MAML3: variants seen among roughly 807,000 people sequenced by gnomAD.
MAML3 encodes the protein mastermind-like protein 3.
A neutral mutation model predicts 101.9 loss-of-function variants in MAML3; 27 were observed. The ratio of observed to expected loss-of-function variants is 0.27; its 90% CI spans 0.20 to 0.37. The LOEUF (loss-of-function observed/expected upper bound fraction) is 0.37. Ranked by LOEUF, MAML3 falls within the 10% of genes least tolerant of loss-of-function variation. The pLI, the probability that MAML3 is intolerant of heterozygous loss-of-function variation, is 1.00. For synonymous variants in MAML3, 501 were observed against 555.9 expected (o/e 0.90, Z 1.39); for missense variants, 1,316 against 1,444.9 (o/e 0.91, Z 1.45).
intron 2 of MAML3, among the ~76,000 whole-genome samples, chr4:139,848,987 C>G (rs1731498317): frequency 6.6e-6 from 1 of 152,168 alleles, no homozygotes; most frequent in African/African-American, 2.4e-5. Context: ...GCCCCTACAT[C>G]TTTTTGTTTC....
At chr4:139,774,046 G>A (rs1241820341) in intron 2 of MAML3, among the ~76,000 whole-genome samples, 2 of 152,194 alleles carry the variant, frequency 1.3e-5, no homozygotes, top group East Asian at 3.8e-4. Flanking sequence ...GCAGCAGGCC[G>A]TGTGAGCTTC....
intron 1 of MAML3, among the ~76,000 whole-genome samples, chr4:139,983,916 A>G (rs1734488263): frequency 6.6e-6 from 1 of 152,194 alleles, no homozygotes; most frequent in Non-Finnish European, 1.5e-5. Context: ...GCAGGCACAC[A>G]GTAGTTGGGT....
chr4:139,909,253 A>C (rs1387175935), intron 1 of MAML3, among the ~76,000 whole-genome samples: 2 of 152,230 alleles, frequency 1.3e-5, no homozygotes, highest in East Asian at 3.9e-4. Context: ...TATGTCTATA[A>C]AACAGTTGGC....
intron 1 of MAML3, among the ~76,000 whole-genome samples, chr4:139,953,879 C>T (rs886196733): frequency 2.6e-5 from 4 of 152,146 alleles, no homozygotes; most frequent in Admixed American, 1.3e-4. Context: ...ATTCCAACGG[C>T]GACAGGAGGC....
At chr4:140,095,611 C>G (rs1351443797) in intron 1 of MAML3, among the ~76,000 whole-genome samples, 1 of 152,154 alleles carries the variant, frequency 6.6e-6, no homozygotes, top group Non-Finnish European at 1.5e-5. Context: ...TTCTTGCCCC[C>G]TCTTCTTTCC....
At chr4:140,064,042 C>A (rs1470730861) in intron 1 of MAML3, among the ~76,000 whole-genome samples, 1 of 152,166 alleles carries the variant, frequency 6.6e-6, no homozygotes, top group Admixed American at 6.5e-5. Context: ...CTTAGAACTC[C>A]TGGGAAAACT....
At chr4:139,938,575 G>A (rs1733548000) in intron 1 of MAML3, among the ~76,000 whole-genome samples, 1 of 152,172 alleles carries the variant, frequency 6.6e-6, no homozygotes, top group Non-Finnish European at 1.5e-5. Flanking sequence ...ATAGGCTTGT[G>A]GGAGTAGAGT....
intron 1 of MAML3, among the ~76,000 whole-genome samples, chr4:140,035,656 T>A (rs899252284): frequency 2.0e-4 from 30 of 151,394 alleles, no homozygotes; most frequent in African/African-American, 7.3e-4. Flanking sequence ...TAGCCGGGCG[T>A]GGTGGCACGC....
chr4:139,980,981 G>C (rs188747149), intron 1 of MAML3, among the ~76,000 whole-genome samples: 7 of 152,290 alleles, frequency 4.6e-5, no homozygotes, highest in Non-Finnish European at 8.8e-5. Flanking sequence ...GTTGGGAACA[G>C]AAAGAATGCC....
intron 2 of MAML3, among the ~76,000 whole-genome samples, chr4:139,780,948 G>A (rs753128763): frequency 2.0e-5 from 3 of 151,934 alleles, no homozygotes; most frequent in African/African-American, 4.8e-5. Flanking sequence ...TAGTTCTGAC[G>A]GCAAAGAATT....
intron 1 of MAML3, among the ~76,000 whole-genome samples, chr4:139,995,966 C>G (rs1296216339): frequency 6.6e-6 from 1 of 151,854 alleles, no homozygotes. Context: ...AGCTGTATCC[C>G]ATAATTTTTA....
intron 1 of MAML3, among the ~76,000 whole-genome samples, chr4:139,977,888 AAAAAAC>A (rs1443188283): frequency 6.7e-5 from 10 of 149,734 alleles, no homozygotes; most frequent in African/African-American, 2.5e-4. Flanking sequence ...AACAAAAAAC[AAAAAAC>A]AAAAAAAAAA....
chr4:139,993,060 AGACATACAG>A (rs1327552980), intron 1 of MAML3, among the ~76,000 whole-genome samples: 3 of 152,224 alleles, frequency 2.0e-5, no homozygotes, highest in Admixed American at 1.3e-4. Flanking sequence ...TTTAAAATAT[AGACATACAG>A]GGCCAGGCAC....
chr4:139,989,228 G>A (rs184767711), intron 1 of MAML3, among the ~76,000 whole-genome samples: 190 of 152,158 alleles, frequency 1.2e-3, no homozygotes, highest in Admixed American at 9.8e-4. Flanking sequence ...CACTCTGAAT[G>A]GACTCATTCA....
chr4:139,881,535 C>G (rs795981), intron 2 of MAML3, among the ~76,000 whole-genome samples: 2 of 151,958 alleles, frequency 1.3e-5, no homozygotes, highest in African/African-American at 4.8e-5. Flanking sequence ...AAGCACCACA[C>G]TTTACAAGCC....
chr4:139,941,923 C>T (rs1194636579), intron 1 of MAML3, among the ~76,000 whole-genome samples: 1 of 152,150 alleles, frequency 6.6e-6, no homozygotes, highest in Non-Finnish European at 1.5e-5. Context: ...CACCAGAGGT[C>T]AGGAGTTCAA....
At chr4:139,973,883 T>G (rs1257184653) in intron 1 of MAML3, among the ~76,000 whole-genome samples, 1 of 152,116 alleles carries the variant, frequency 6.6e-6, no homozygotes, top group Non-Finnish European at 1.5e-5. Flanking sequence ...CACCATTACA[T>G]CAGAACAAAA....
At chr4:140,069,209 G>C (rs903848486) in intron 1 of MAML3, among the ~76,000 whole-genome samples, 2 of 152,144 alleles carry the variant, frequency 1.3e-5, no homozygotes, top group Non-Finnish European at 2.9e-5. Flanking sequence ...TAGTAGAAGG[G>C]GAAATGTGGA....
At chr4:139,967,062 A>G (rs896711550) in intron 1 of MAML3, among the ~76,000 whole-genome samples, 2 of 152,234 alleles carry the variant, frequency 1.3e-5, no homozygotes, top group African/African-American at 4.8e-5. Context: ...ATTTAATTAT[A>G]CTTAAAGTAA....
Sources: gnomAD v4.1 joint callset for allele counts (sites outside exome capture counted in the v4.1 genomes callset) on GRCh38, gnomAD v4.1.1 for gene constraint, MANE v1.5 for transcripts, NCBI Gene and HGNC (gene_info 2026-07-23, HGNC 2026-07-21) for gene names.